NEB: variants seen among roughly 807,000 people sequenced by gnomAD.
NEB encodes the protein nemaline myopathy type 2.
Under a neutral mutation model 952.2 loss-of-function variants are expected in NEB, and 512 were observed. The ratio of observed to expected loss-of-function variants is 0.54; its 90% confidence interval spans 0.50 to 0.58. The LOEUF is 0.58. NEB is among the 20% of genes least tolerant of loss of function. The pLI is 0.00. For synonymous variants in NEB, 2,900 were observed against 3,149.8 expected (o/e 0.92, Z 2.66); for missense variants, 8,428 against 9,231.1 (o/e 0.91, Z 3.56).
chr2:151,666,396 T>G lies in NEB; in HGVS notation c.4725A>C (p.Lys1575Asn), dbSNP rs777489705. Reference sequence around the variant, plus strand: ...TGGCTTTCTCGTAGGCCTCCTTATATTTGCACTATTTGAAAACAAAGGGCA... The same window carrying G: ...TGGCTTTCTCGTAGGCCTCCTTATAGTTGCACTATTTGAAAACAAAGGGCA... ...KSSRNIASDC[K>N]YKEAYEKAKG... The change falls in exon 41 of 182, where the codon AAA (lysine) becomes AAC (asparagine). Residue 1575 changes from lysine to asparagine, a missense_variant. This residue lies in a region of NEB where 2,851 missense variants were observed against 2,791.5 expected (regional missense o/e 1.02). Transcript: ENST00000397345. 4 of 1,612,000 alleles carry G rather than the reference T, an allele frequency of 2.5e-6. No homozygotes were observed. In the Admixed American group the frequency reaches 6.7e-5, roughly 27 times the overall value.
chr2:151,528,110 C>G (rs1036064558), intron 146 of NEB, among the ~76,000 whole-genome samples: 2 of 152,100 alleles, frequency 1.3e-5, no homozygotes, highest in Non-Finnish European at 2.9e-5. Context: ...CAAGGTGAGA[C>G]TTAGCAATTG....
intron 173 of NEB, among the ~76,000 whole-genome samples, chr2:151,495,901 C>T (rs1333255395): frequency 6.6e-6 from 1 of 152,104 alleles, no homozygotes; most frequent in Non-Finnish European, 1.5e-5. Flanking sequence ...AAAAACACAA[C>T]AAAATCATAT....
At chr2:151,494,712 G>C (rs571380556) in intron 173 of NEB, among the ~76,000 whole-genome samples, 1 of 152,106 alleles carries the variant, frequency 6.6e-6, no homozygotes, top group Non-Finnish European at 1.5e-5. Context: ...GCAATGGCAC[G>C]ATCCCTGCTC....
At chr2:151,497,543 T>G in intron 171 of NEB, 83 bp downstream of exon 171, 2 of 1,502,416 alleles carry the variant, frequency 1.3e-6, no homozygotes, top group Non-Finnish European at 1.8e-6. Flanking sequence ...CTTTAAAAAG[T>G]AGGATTAATA....
chr2:151,634,097 G>T, intron 64 of NEB, 132 bp from the exon 65 acceptor site: 1 of 1,078,388 alleles, frequency 9.3e-7, no homozygotes, highest in Non-Finnish European at 1.3e-6. Context: ...CCAGTATCCT[G>T]GCTTTCATCC....
intron 146 of NEB, among the ~76,000 whole-genome samples, chr2:151,528,602 A>T (rs770269069): frequency 6.6e-6 from 1 of 152,280 alleles, no homozygotes; most frequent in African/African-American, 2.4e-5. Context: ...CCTCATAAAT[A>T]TATGTCCCCT....
intron 156 of NEB, among the ~76,000 whole-genome samples, 172 bp downstream of exon 156, chr2:151,518,146 G>C (rs1442568327): frequency 6.6e-6 from 1 of 152,206 alleles, no homozygotes; most frequent in Non-Finnish European, 1.5e-5. Context: ...ACTATATGTA[G>C]ATGTTGTTGT....
chr2:151,709,577 A>T, intron 12 of NEB, 79 bp downstream of exon 12: 2 of 1,106,328 alleles, frequency 1.8e-6, no homozygotes, highest in African/African-American at 1.6e-5. Flanking sequence ...CTTTTTTACT[A>T]ATTATATACA....
chr2:151,570,200 TA>T lies in NEB; in HGVS notation c.17310del (p.Asn5772IlefsTer27), dbSNP rs758991263. On this transcript the variant is annotated frameshift_variant, in exon 109 of 182. Transcript: ENST00000397345. LOFTEE classifies it high-confidence loss of function. The part of the protein sequence containing the change: ...SPVDMLSILH[S>X]KNSQALVSDM... ...TCACTGACCAGAGCCTGGGAATTTT[TA>T]GAGTGCAGGATGGAAAGCATGTCCA... 1 of 1,613,772 alleles carries T rather than the reference TA, an allele frequency of 6.2e-7. No individual in the cohort carries two copies. Among genetic ancestry groups the T allele is most frequent in the Non-Finnish European group, 8.5e-7 (1 of 1,179,810 alleles).
At chr2:151,495,890 C>A (rs191479433) in intron 173 of NEB, among the ~76,000 whole-genome samples, 36 of 152,216 alleles carry the variant, frequency 2.4e-4, no homozygotes, top group African/African-American at 7.7e-4. Flanking sequence ...GTCATTGACA[C>A]AAAAACACAA....
intron 3 of NEB, 23 bp downstream of exon 3, chr2:151,733,094 TGTCA>T (rs1234075373): frequency 6.3e-7 from 1 of 1,585,868 alleles, no homozygotes; most frequent in South Asian, 1.2e-5. Context: ...AATAGTTTGC[TGTCA>T]GTGTTTTTTT....
chr2:151,507,112 T>TA lies in NEB; in HGVS notation c.23452-100dup, dbSNP rs540894908. ...GAAGAAAATTAAAATCCTGTATCTT[T>TA]AAAAAAAAGTCTATGCACAATAATT... On this transcript the variant is annotated intron_variant, in intron 162 of 181. Coordinates refer to ENST00000397345, the MANE Select transcript of NEB (RefSeq NM_001164508.2). 528 of 741,636 alleles carry TA rather than the reference T, an allele frequency of 7.1e-4. 3 individuals are homozygous for TA. The African/African-American group carries it at 8.0e-3, about 11-fold the overall frequency. The allele number at this position is 741,636 out of a possible 1,614,324, so 45.9% of individuals were successfully genotyped here.
In NEB at chr2:151,618,274, C is replaced by G; in HGVS notation, c.11076+1G>C. 6.2e-7 allele frequency: 1 copy of G among 1,613,512 alleles called. No individual in the cohort carries two copies. Among genetic ancestry groups the G allele is most frequent in the South Asian group, 1.1e-5 (1 of 91,074 alleles). ...TCTAACAGTGAGGATTGAAGACTCACCTTATTCATGTTTAAAGCATTGTTT... is the reference window on the plus strand; with the variant it reads ...TCTAACAGTGAGGATTGAAGACTCAGCTTATTCATGTTTAAAGCATTGTTT... On this transcript the variant is annotated splice_donor_variant, in intron 74 of 181. Transcript: ENST00000397345. LOFTEE classifies it high-confidence loss of function.
intron 181 of NEB, among the ~76,000 whole-genome samples, chr2:151,489,630 C>G (rs2054426657): frequency 6.6e-6 from 1 of 152,144 alleles, no homozygotes; most frequent in African/African-American, 2.4e-5. Flanking sequence ...CTCCTGAGCT[C>G]AAGCAATCCT....
chr2:151,512,399 G>A (rs887066755), intron 161 of NEB, among the ~76,000 whole-genome samples: 1 of 151,362 alleles, frequency 6.6e-6, no homozygotes, highest in Non-Finnish European at 1.5e-5. Flanking sequence ...AGTCACAGCT[G>A]ACTGCAGCCT....
chr2:151,505,381 G>A (rs1559327090), intron 165 of NEB, 97 bp downstream of exon 165: 2 of 1,056,772 alleles, frequency 1.9e-6, no homozygotes, highest in East Asian at 4.8e-5. Flanking sequence ...CCAAGGCATG[G>A]AAGCTCTTGA....
chr2:151,626,559 C>T (rs866078890), intron 70 of NEB, among the ~76,000 whole-genome samples: 5 of 150,180 alleles, frequency 3.3e-5, no homozygotes, highest in East Asian at 1.9e-4. Flanking sequence ...TTTTTTGAGA[C>T]GGAATCTTGC....
intron 13 of NEB, among the ~76,000 whole-genome samples, chr2:151,702,130 A>C (rs1029812383): frequency 4.8e-5 from 7 of 146,660 alleles, no homozygotes; most frequent in Non-Finnish European, 7.5e-5. Flanking sequence ...TGTACCCAGT[A>C]GTCATTCAGG....
At chr2:151,564,843 G>A (rs6433504) in intron 117 of NEB, among the ~76,000 whole-genome samples, 139,064 of 152,262 alleles carry the variant, frequency 0.91, 64,161 homozygotes, top group East Asian at 0.99. Flanking sequence ...GGCACATCAC[G>A]GGAGCTCAAA....
Sources: allele counts gnomAD v4.1 joint callset (sites outside exome capture counted in the v4.1 genomes callset), GRCh38; gene constraint gnomAD v4.1.1; regional missense constraint gnomAD v4.1.1; transcripts MANE v1.5; gene names NCBI Gene and HGNC (gene_info 2026-07-23, HGNC 2026-07-21).